HMCN2: variants seen among roughly 807,000 people sequenced by gnomAD.
HMCN2 encodes the protein hemicentin-2.
HMCN2 carries 325 observed loss-of-function variants against 377.5 expected under a neutral mutation model. That is an observed-to-expected ratio of 0.86 (90% confidence interval 0.79 to 0.94). The LOEUF is 0.94. Ranked by LOEUF, HMCN2 falls within the 40% of genes least tolerant of loss-of-function variation. The pLI is 0.00. For synonymous variants in HMCN2, 2,007 were observed against 2,046.8 expected (o/e 0.98, Z 0.53); for missense variants, 4,543 against 4,725.3 (o/e 0.96, Z 1.13).
chr9:130,368,188 A>G, intron 43 of HMCN2, 88 bp from the exon 44 acceptor site: 2 of 822,648 alleles, frequency 2.4e-6, no homozygotes, highest in East Asian at 1.3e-4. Flanking sequence ...ATTGGCAAGA[A>G]TGGGTAGGAG....
Position 130,384,688 on chromosome 9 carries a change from C to T in HMCN2, c.8996C>T (p.Thr2999Ile). ...LGEEVFLLPG[T>I]HTLQLGRARL... is the part of the protein sequence containing the mutation. ...AGGGGCTGGCTTCCCCCGGCAGGCA[C>T]CCACACGCTGCAGCTGGGGAGAGCA... Residue 2999 changes from threonine (T) to isoleucine (I), a missense_variant, in exon 59 of 98, where the codon ACC (threonine) becomes ATC (isoleucine). Physicochemically the swap from Thr to Ile is moderately conservative, Grantham distance 89. Transcript: ENST00000683500. 1 of 1,302,392 alleles carries T rather than the reference C, an allele frequency of 7.7e-7. No homozygotes were observed. Among genetic ancestry groups the T allele is most frequent in the Non-Finnish European group, 1.0e-6 (1 of 988,818 alleles). 80.7% of individuals were successfully genotyped at this position (1,302,392 alleles called of 1,614,324 possible).
Position 130,407,705 on chromosome 9 carries a change from G to A in HMCN2, c.12688G>A (p.Glu4230Lys). The A allele has an allele frequency of 8.2e-7, 1 of 1,225,018 alleles. No individual in the cohort carries two copies. Among genetic ancestry groups the A allele is most frequent in the Non-Finnish European group, 1.0e-6 (1 of 953,796 alleles). 75.9% of individuals were successfully genotyped at this position (1,225,018 alleles called of 1,614,324 possible). The change falls in exon 83 of 98, where the codon GAG becomes AAG. Residue 4230 changes from glutamate (E) to lysine (K), a missense_variant and splice_region_variant. Physicochemically the swap from Glu to Lys is moderately conservative, Grantham distance 56. Around this residue, in one of 5 missense-constraint regions of HMCN2, gnomAD observed 1,073 missense variants for 1,319.5 expected, o/e 0.81. Transcript: ENST00000683500. The part of the protein sequence containing the change: ...TQAVSFVHVK[E>K]APVLQGEAFS... ...GGCGGTCAGCTTCGTCCACGTGAAGGGTAGGGCACATTCCCCAGGTGGCTT... is the reference window on the plus strand; with the variant it reads ...GGCGGTCAGCTTCGTCCACGTGAAGAGTAGGGCACATTCCCCAGGTGGCTT...
chr9:130,404,727 C>A, intron 80 of HMCN2, 142 bp from the exon 81 acceptor site: 1 of 449,582 alleles, frequency 2.2e-6, no homozygotes, highest in Non-Finnish European at 3.6e-6. Context: ...TGAGCACGGG[C>A]AATGGCCTAT....
chr9:130,284,865 C>T (rs1467222650), intron 2 of HMCN2, among the ~76,000 whole-genome samples, 192 bp downstream of exon 2: 1 of 152,228 alleles, frequency 6.6e-6, no homozygotes, highest in Middle Eastern at 3.2e-3. Flanking sequence ...ACTCGAAGTA[C>T]TCGTCACGGT....
chr9:130,297,306 C>G (rs560438026), intron 7 of HMCN2, among the ~76,000 whole-genome samples: 8 of 152,062 alleles, frequency 5.3e-5, no homozygotes, highest in African/African-American at 1.2e-4. Flanking sequence ...TTGGAGGAGC[C>G]TGGGGGGGAT....
chr9:130,379,937 G>C (rs1182893489), intron 54 of HMCN2, among the ~76,000 whole-genome samples: 1 of 152,080 alleles, frequency 6.6e-6, no homozygotes, highest in African/African-American at 2.4e-5. Context: ...GTGCAATGGT[G>C]CAACCTTGGC....
At chr9:130,277,046 C>T (rs962567363) in intron 1 of HMCN2, among the ~76,000 whole-genome samples, 5 of 152,244 alleles carry the variant, frequency 3.3e-5, no homozygotes, top group Admixed American at 2.6e-4. Flanking sequence ...TGACCGTGTC[C>T]ACCGGGACAC....
At chr9:130,291,555 T>G (rs1261825450) in intron 4 of HMCN2, among the ~76,000 whole-genome samples, 2 of 152,240 alleles carry the variant, frequency 1.3e-5, no homozygotes, top group Non-Finnish European at 2.9e-5. Context: ...AAAAAATTAC[T>G]ATGAAGAATT....
chr9:130,322,582 A>G (rs1048563030), intron 19 of HMCN2, among the ~76,000 whole-genome samples: 4 of 151,532 alleles, frequency 2.6e-5, no homozygotes, highest in Admixed American at 2.0e-4. Flanking sequence ...GATTATCTGT[A>G]CTCCCCCCGC....
At position 130,396,961 on chromosome 9, in the gene HMCN2, C is replaced by T. The variant is rs73670545; in HGVS notation, c.11199-567C>T. On this transcript the variant is annotated intron_variant, in intron 73 of 97. Coordinates refer to ENST00000683500, the MANE Select transcript of HMCN2 (RefSeq NM_001291815.2). ...AAAGCAGCCCTTCTCTCCATCTTTC[C>T]AATGTTGGCTTGGGCTGTGGGGAGC... Among the ~76,000 whole-genome samples, 645 of 152,318 alleles carry T rather than the reference C, an allele frequency of 4.2e-3. 2 individuals carry two copies. Among genetic ancestry groups the T allele is most frequent in the African/African-American group, 0.014 (595 of 41,568 alleles).
rs1473999855 is a variant in HMCN2, at chr9:130,427,624, G to A, written c.14065+5G>A. On this transcript the variant is annotated splice_donor_5th_base_variant and intron_variant, in intron 92 of 97. Transcript: ENST00000683500. ...GGGATGACAGGAACTGCAGAGGTGA[G>A]GGAGCTGCCGGGAGGAGGGAGGAGA... 1 of 1,548,206 alleles carries A rather than the reference G, an allele frequency of 6.5e-7. No homozygotes were observed. The highest frequency in any genetic ancestry group is 2.0e-5 in the Admixed American group (1 of 50,848).
rs1233041959 is a variant in HMCN2 at position 130,275,869 on chromosome 9, CCTGGAGGT to C, written c.260-8730_260-8723del. Among the ~76,000 whole-genome samples the C allele has an allele frequency of 1.6e-4, 24 of 152,188 alleles. No individual in the cohort carries two copies. In the East Asian group the frequency reaches 4.1e-3, roughly 26 times the overall value. On this transcript the variant is annotated intron_variant, in intron 1 of 97. Transcript: ENST00000683500. ...ACGTCCCTCCTTGGAGGCCTGGAGGCCTGGAGGTCTGAGCGGCCCGTGAGGTGTGAGCT... is the reference window on the plus strand; with the variant it reads ...ACGTCCCTCCTTGGAGGCCTGGAGGCCTGAGCGGCCCGTGAGGTGTGAGCT...
Position 130,430,345 on chromosome 9 carries a change from C to G in HMCN2, c.14388C>G (p.Gly4796=). ...CCTACCAGTGCCACAACCTCCAGGG[C>G]AGCTACCGCTGCCTGTGCCCCCCAG... The part of the protein sequence containing the change: ...ACAYQCHNLQ[G]SYRCLCPPGQ... The change falls in exon 95 of 98, where the codon GGC becomes GGG. Residue 4796 remains glycine (G), a synonymous_variant. Coordinates refer to ENST00000683500, the MANE Select transcript of HMCN2 (RefSeq NM_001291815.2). 6.5e-7 allele frequency: 1 copy of G among 1,548,324 alleles called. No homozygotes were observed. The highest frequency in any genetic ancestry group is 8.7e-7 in the Non-Finnish European group (1 of 1,146,906).
At chr9:130,296,400 G>C (rs1170728195) in intron 6 of HMCN2, among the ~76,000 whole-genome samples, 7 of 152,200 alleles carry the variant, frequency 4.6e-5, no homozygotes, top group African/African-American at 1.4e-4. Flanking sequence ...ACATTCACGG[G>C]AACAGACAGG....
At chr9:130,307,597 C>G (rs1554937331) in intron 14 of HMCN2, 31 bp downstream of exon 14, 1 of 471,030 alleles carries the variant, frequency 2.1e-6, no homozygotes, top group Admixed American at 2.3e-5. Flanking sequence ...CCTGAAGGAA[C>G]AGCTTTCCAG....
intron 13 of HMCN2, 133 bp downstream of exon 13, chr9:130,307,071 C>G (rs1554937101): frequency 5.6e-6 from 2 of 358,052 alleles, no homozygotes; most frequent in Non-Finnish European, 1.1e-5. Flanking sequence ...CACATGGTCC[C>G]TGTCTGGGTG....
intron 48 of HMCN2, 85 bp downstream of exon 48, chr9:130,373,209 C>T: frequency 8.3e-6 from 3 of 360,460 alleles, no homozygotes; most frequent in Non-Finnish European, 1.2e-5. Context: ...ATCTGCCCAC[C>T]TGCCCCAGCC....
At chr9:130,395,382 C>T (rs1045361486) in intron 71 of HMCN2, 35 bp downstream of exon 71, 2 of 1,265,600 alleles carry the variant, frequency 1.6e-6, no homozygotes, top group African/African-American at 3.1e-5. Flanking sequence ...GTGCTGCCTT[C>T]TGTCCCGCTC....
chr9:130,306,918 C>G lies in HMCN2; in HGVS notation c.2066C>G (p.Thr689Arg), dbSNP rs569083367. ...AATGAGGTTGGCACTGACCAGGAGA[C>G]GGTCACCCTCTACTACACAGGTACC... Reference protein sequence around the residue: ...ATNEVGTDQETVTLYYTDPPS... With the variant: ...ATNEVGTDQERVTLYYTDPPS... Residue 689 changes from threonine (T) to arginine (R), a missense_variant, in exon 13 of 98, where the codon ACG becomes AGG. Physicochemically the swap from Thr to Arg is moderately conservative, Grantham distance 71 (BLOSUM62 -1). Around this residue, in one of 5 missense-constraint regions of HMCN2, gnomAD observed 547 missense variants for 189.9 expected, o/e 2.88. Coordinates refer to ENST00000683500, the MANE Select transcript of HMCN2 (RefSeq NM_001291815.2). 1.1e-5 allele frequency: 5 copies of G among 470,376 alleles called. No individual in the cohort carries two copies. Among genetic ancestry groups the G allele is most frequent in the Admixed American group, 4.7e-5 (2 of 42,518 alleles). 29.1% of individuals were successfully genotyped at this position (470,376 alleles called of 1,614,324 possible).
Sources: allele counts gnomAD v4.1 joint callset (sites outside exome capture counted in the v4.1 genomes callset), GRCh38; gene constraint gnomAD v4.1.1; regional missense constraint gnomAD v4.1.1; transcripts MANE v1.5; gene names NCBI Gene and HGNC (gene_info 2026-07-23, HGNC 2026-07-21).